Variants in DNAH11 observed in about 807,000 individuals in gnomAD.
The protein encoded by DNAH11 is dynein axonemal heavy chain 11, also known as axonemal beta dynein heavy chain 11.
Under a neutral mutation model 526.0 loss-of-function variants are expected in DNAH11, and 442 were observed. The observed-to-expected ratio is 0.84, with a 90% CI of 0.78 to 0.91. The LOEUF (loss-of-function observed/expected upper bound fraction) is 0.91, where lower values mean the gene tolerates loss of function less well. Among genes scored for constraint, DNAH11 ranks in the 40% least tolerant of loss-of-function variants. The pLI is 0.00. For missense variants in DNAH11, 6,989 were observed against 5,448.7 expected (o/e 1.28, Z -8.90); for synonymous variants, 2,461 against 1,935.9 (o/e 1.27, Z -7.12).
intron 2 of DNAH11, among the ~76,000 whole-genome samples, chr7:21,548,533 C>G (rs1160074169): frequency 1.3e-5 from 2 of 152,112 alleles, no homozygotes; most frequent in African/African-American, 4.8e-5. Flanking sequence ...TCAAATATCT[C>G]CAATTTTGGT....
rs68042167 is a variant in DNAH11, at chr7:21,558,636, T to C, written c.496-166T>C. Among the ~76,000 whole-genome samples the C allele has an allele frequency of 0.19, 28,599 of 152,214 alleles. 2,865 individuals are homozygous for C. The highest frequency in any genetic ancestry group is 0.23 in the East Asian group (1,168 of 5,172). ...CCACTTTGACAGAATTTATGTCTAA[T>C]TGATTAAATCTAAATGGGTCACTGA... On this transcript the variant is annotated intron_variant, in intron 2 of 81. Transcript: ENST00000409508.
chr7:21,705,320 ATTTTAACTTTC>A, intron 38 of DNAH11, 129 bp from the exon 39 acceptor site: 2 of 747,928 alleles, frequency 2.7e-6, no homozygotes, highest in South Asian at 3.7e-5. Context: ...CTTATGGTCT[ATTTTAACTTTC>A]TCTGAACATA....
In DNAH11 at chr7:21,652,760, CCTA is replaced by C. The variant is rs1471606963; in HGVS notation, c.4945-3069_4945-3067del. Among the ~76,000 whole-genome samples the C allele has an allele frequency of 1.0e-3, 154 of 152,250 alleles. 1 individual carries two copies. Among genetic ancestry groups the C allele is most frequent in the Admixed American group, 9.9e-3 (151 of 15,286 alleles). ...AATTTTTGTACTAATCTTTTAGAAACCTACTCAAAATACATGGTGAGTTATTGG... is the reference window on the plus strand; with the variant it reads ...AATTTTTGTACTAATCTTTTAGAAACCTCAAAATACATGGTGAGTTATTGG... On this transcript the variant is annotated intron_variant, in intron 28 of 81. Coordinates refer to ENST00000409508, the MANE Select transcript of DNAH11 (RefSeq NM_001277115.2).
At chr7:21,728,478 T>G (rs1785237252) in intron 45 of DNAH11, among the ~76,000 whole-genome samples, 1 of 151,802 alleles carries the variant, frequency 6.6e-6, no homozygotes, top group African/African-American at 2.4e-5. Context: ...AGGCTGGTCT[T>G]GAACTCCTGA....
At chr7:21,786,282 A>G (rs936745767) in intron 58 of DNAH11, among the ~76,000 whole-genome samples, 1 of 145,714 alleles carries the variant, frequency 6.9e-6, no homozygotes, top group African/African-American at 2.6e-5. Context: ...GAACCTATAA[A>G]TATCTTACAA....
intron 54 of DNAH11, among the ~76,000 whole-genome samples, chr7:21,761,042 C>A (rs1027742102): frequency 6.6e-6 from 1 of 152,138 alleles, no homozygotes; most frequent in Non-Finnish European, 1.5e-5. Flanking sequence ...TTTTCCCTCA[C>A]AGTAATGTTC....
At chr7:21,554,745 T>C (rs905497273) in intron 2 of DNAH11, among the ~76,000 whole-genome samples, 32 of 152,194 alleles carry the variant, frequency 2.1e-4, no homozygotes, top group South Asian at 6.2e-4. Context: ...AATTCCTAAC[T>C]TCAGTACTTG....
chr7:21,707,746 G>T lies in DNAH11; in HGVS notation c.6594G>T (p.Pro2198=), dbSNP rs200894470. 1.2e-6 allele frequency: 2 copies of T among 1,613,116 alleles called. No homozygotes were observed. Among genetic ancestry groups the T allele is most frequent in the East Asian group, 2.2e-5 (1 of 44,858 alleles). The change falls in exon 40 of 82, where the codon CCG becomes CCT. Residue 2198 remains proline, a synonymous_variant. Coordinates refer to ENST00000409508, the MANE Select transcript of DNAH11 (RefSeq NM_001277115.2). ...CATATGTTAACATGAAACAGAAGCCGGTTTGGAATGACTTAAACCCTAAAG... is the reference window on the plus strand; with the variant it reads ...CATATGTTAACATGAAACAGAAGCCTGTTTGGAATGACTTAAACCCTAAAG... ...NRTYVNMKQK[P]VWNDLNPKAV...
chr7:21,642,766 A>T (rs1333252354), intron 28 of DNAH11, among the ~76,000 whole-genome samples: 1 of 152,094 alleles, frequency 6.6e-6, no homozygotes, highest in African/African-American at 2.4e-5. Context: ...TTCTGCAGTT[A>T]ATTGTGGAAT....
At chr7:21,616,433 C>A in intron 22 of DNAH11, 141 bp downstream of exon 22, 1 of 596,430 alleles carries the variant, frequency 1.7e-6, no homozygotes, top group Non-Finnish European at 2.8e-6. Flanking sequence ...GTGTTTTTTT[C>A]ACCCTTAGCC....
intron 30 of DNAH11, among the ~76,000 whole-genome samples, chr7:21,659,857 A>G (rs1782173112): frequency 6.6e-6 from 1 of 152,132 alleles, no homozygotes; most frequent in Non-Finnish European, 1.5e-5. Context: ...TGATCCTTGT[A>G]TTGTTAACAC....
intron 76 of DNAH11, among the ~76,000 whole-genome samples, chr7:21,891,152 C>T (rs551469326): frequency 6.6e-6 from 1 of 152,248 alleles, no homozygotes; most frequent in East Asian, 1.9e-4. Flanking sequence ...GCTTATACTT[C>T]TAAGGTTTGT....
At chr7:21,835,079 T>C (rs1781941686) in intron 65 of DNAH11, among the ~76,000 whole-genome samples, 1 of 152,038 alleles carries the variant, frequency 6.6e-6, no homozygotes, top group Admixed American at 6.6e-5. Flanking sequence ...AGAGAAAATC[T>C]GAACAAACTA....
In DNAH11 at chr7:21,816,466, G is replaced by C. The variant is rs769279343; in HGVS notation, c.10333-1G>C. The stretch of plus-strand genomic sequence containing the variant: ...TGTTGCATTCAACTCTGATTTTAAA[G>C]GTTTCCATTCCACTAACCGAAGGCC... On this transcript the variant is annotated splice_acceptor_variant, in intron 63 of 81. Transcript: ENST00000409508. LOFTEE classifies it high-confidence loss of function. 24 of 1,596,158 alleles carry C rather than the reference G, an allele frequency of 1.5e-5. No individual in the cohort carries two copies. The highest frequency in any genetic ancestry group is 2.0e-5 in the Non-Finnish European group (24 of 1,171,518).
At position 21,734,405 on chromosome 7, in the gene DNAH11, A is replaced by G. The variant is rs181825327; in HGVS notation, c.7441-1235A>G. On this transcript the variant is annotated intron_variant, in intron 45 of 81. Transcript: ENST00000409508. Reference sequence around the variant, plus strand: ...GATGACAACTAGCAGCAAGAAAGGGAAAAAATATGAGATGCAGCTCGAATA... The same window carrying G: ...GATGACAACTAGCAGCAAGAAAGGGGAAAAATATGAGATGCAGCTCGAATA... Among the ~76,000 whole-genome samples the G allele has an allele frequency of 1.1e-4, 16 of 152,370 alleles. 1 individual carries two copies. In the East Asian group the frequency reaches 1.9e-3, roughly 18 times the overall value.
At chr7:21,566,943 G>A (rs1253178311) in intron 6 of DNAH11, among the ~76,000 whole-genome samples, 1 of 152,026 alleles carries the variant, frequency 6.6e-6, no homozygotes, top group African/African-American at 2.4e-5. Flanking sequence ...GTATATGTAA[G>A]TTGCTTCCAG....
intron 35 of DNAH11, among the ~76,000 whole-genome samples, chr7:21,693,039 C>G (rs1270492323): frequency 6.6e-6 from 1 of 152,134 alleles, no homozygotes; most frequent in Non-Finnish European, 1.5e-5. Context: ...TTTTTTCTCT[C>G]AATTTGTGGC....
chr7:21,802,992 A>G (rs1789063632), intron 62 of DNAH11, among the ~76,000 whole-genome samples: 2 of 150,936 alleles, frequency 1.3e-5, no homozygotes, highest in Non-Finnish European at 2.9e-5. Context: ...GTATATTTTA[A>G]TGGGTGAATT....
At chr7:21,674,914 G>A (rs113950387) in intron 30 of DNAH11, among the ~76,000 whole-genome samples, 3,045 of 151,810 alleles carry the variant, frequency 0.02, 97 homozygotes, top group African/African-American at 0.069. Flanking sequence ...CTAGAAGCCC[G>A]CTTGACTCTT....
Sources: gnomAD v4.1 joint callset for allele counts (sites outside exome capture counted in the v4.1 genomes callset) on GRCh38, gnomAD v4.1.1 for gene constraint, MANE v1.5 for transcripts, NCBI Gene and HGNC (gene_info 2026-07-23, HGNC 2026-07-21) for gene names.